The following CNTNAP2 variants were observed in gnomAD, a reference collection of about 807,000 sequenced individuals.
CNTNAP2 encodes contactin associated protein 2, also known as contactin-associated protein-like 2.
Under a neutral mutation model 155.2 loss-of-function variants are expected in CNTNAP2, and 98 were observed. The observed-to-expected ratio is 0.63, with a 90% CI of 0.54 to 0.75. CNTNAP2 has a LOEUF of 0.75. CNTNAP2 is among the 30% of genes least tolerant of loss of function. CNTNAP2 has a pLI of 0.00. For synonymous variants in CNTNAP2, 651 were observed against 631.2 expected (o/e 1.03, Z -0.47); for missense variants, 1,727 against 1,688.1 (o/e 1.02, Z -0.40).
chr7:148,361,747 T>C (rs555809064), intron 21 of CNTNAP2, among the ~76,000 whole-genome samples: 1 of 152,306 alleles, frequency 6.6e-6, no homozygotes, highest in Admixed American at 6.5e-5. Context: ...CAAGACTGGG[T>C]AATTTGTAAA....
At chr7:146,543,414 A>T in intron 1 of CNTNAP2, among the ~76,000 whole-genome samples, 1 of 151,640 alleles carries the variant, frequency 6.6e-6, no homozygotes, top group East Asian at 1.9e-4. Context: ...TCCCCTTTCC[A>T]TTCAGCCCCC....
chr7:148,045,341 G>T (rs530632257), intron 15 of CNTNAP2, among the ~76,000 whole-genome samples: 2 of 152,236 alleles, frequency 1.3e-5, no homozygotes, highest in African/African-American at 4.8e-5. Flanking sequence ...GGTGGGGGGC[G>T]TTACAGCAAC....
At chr7:147,010,569 C>G (rs969132226) in intron 3 of CNTNAP2, among the ~76,000 whole-genome samples, 1 of 151,958 alleles carries the variant, frequency 6.6e-6, no homozygotes. Flanking sequence ...TACCATTGGC[C>G]AAATCTGGAA....
At chr7:148,210,513 C>A (rs1365991598) in intron 18 of CNTNAP2, among the ~76,000 whole-genome samples, 2 of 152,224 alleles carry the variant, frequency 1.3e-5, no homozygotes, top group Non-Finnish European at 2.9e-5. Flanking sequence ...CCGGCTCCCA[C>A]ACAGTCAAGC....
chr7:148,190,156 G>C (rs1261034595), intron 18 of CNTNAP2: 1 of 152,248 alleles, frequency 6.6e-6, no homozygotes, highest in Non-Finnish European at 1.5e-5. Context: ...CTAGGTTATA[G>C]AGCCAAGGTG....
chr7:147,479,431 T>C (rs941984904), intron 10 of CNTNAP2, among the ~76,000 whole-genome samples: 1 of 152,252 alleles, frequency 6.6e-6, no homozygotes, highest in African/African-American at 2.4e-5. Flanking sequence ...GACTGACTGA[T>C]TTGAAAGAAC....
chr7:146,235,194 G>T (rs1268710206), intron 1 of CNTNAP2, among the ~76,000 whole-genome samples: 1 of 146,572 alleles, frequency 6.8e-6, no homozygotes, highest in Non-Finnish European at 1.5e-5. Context: ...GTAAAAATTA[G>T]ATAGTTTCAC....
At chr7:147,589,767 T>C (rs979419021) in intron 12 of CNTNAP2, among the ~76,000 whole-genome samples, 3 of 152,184 alleles carry the variant, frequency 2.0e-5, no homozygotes, top group Admixed American at 6.6e-5. Flanking sequence ...AAATGTCACC[T>C]ATTCCAAAGG....
chr7:147,818,072 C>T (rs1217749647), intron 13 of CNTNAP2, among the ~76,000 whole-genome samples: 2 of 151,574 alleles, frequency 1.3e-5, no homozygotes, highest in Non-Finnish European at 2.9e-5. Flanking sequence ...TTAAAAAAAT[C>T]AGTTATTCCC....
rs180707904 is a variant in CNTNAP2 at position 147,907,061 on chromosome 7, A to T, written c.2255+3340A>T. On this transcript the variant is annotated intron_variant, in intron 14 of 23. Coordinates refer to ENST00000361727, the MANE Select transcript of CNTNAP2 (RefSeq NM_014141.6). ...GAGCAAACTGAAAAGTATAATGAAT[A>T]TTTTTTTTTTTAAGAGACGGAGTCT... Among the ~76,000 whole-genome samples, 241 of 147,494 alleles carry T rather than the reference A, an allele frequency of 1.6e-3. 1 individual carries two copies. In the Middle Eastern group the frequency reaches 0.021, roughly 13 times the overall value.
intron 8 of CNTNAP2, among the ~76,000 whole-genome samples, chr7:147,193,391 T>TTCTATTTA (rs1802720300): frequency 6.6e-6 from 1 of 152,046 alleles, no homozygotes; most frequent in African/African-American, 2.4e-5. Flanking sequence ...ATTCTATTTA[T>TTCTATTTA]GTATTTTATT....
At chr7:148,065,859 C>T (rs144656505) in intron 15 of CNTNAP2, among the ~76,000 whole-genome samples, 76 of 151,984 alleles carry the variant, frequency 5.0e-4, no homozygotes, top group African/African-American at 1.4e-3. Context: ...TTTTTGTCAC[C>T]GTGTTATTGT....
chr7:147,120,781 C>G (rs562012040), intron 5 of CNTNAP2, among the ~76,000 whole-genome samples, 198 bp from the exon 6 acceptor site: 9 of 151,936 alleles, frequency 5.9e-5, no homozygotes, highest in South Asian at 2.1e-4. Flanking sequence ...ATCCCTCCCC[C>G]CTACCCCCAA....
At chr7:148,014,761 TAAAG>T (rs1802145754) in intron 15 of CNTNAP2, among the ~76,000 whole-genome samples, 1 of 152,076 alleles carries the variant, frequency 6.6e-6, no homozygotes, top group African/African-American at 2.4e-5. Context: ...CAATAATAAT[TAAAG>T]AAAGAAAAGC....
intron 2 of CNTNAP2, among the ~76,000 whole-genome samples, chr7:146,807,757 T>G (rs1043177278): frequency 6.6e-6 from 1 of 152,028 alleles, no homozygotes; most frequent in African/African-American, 2.4e-5. Context: ...TTCAGTCCTT[T>G]TTATCTGATT....
chr7:146,983,017 AAT>A (rs1798048496), intron 3 of CNTNAP2, among the ~76,000 whole-genome samples: 1 of 152,204 alleles, frequency 6.6e-6, no homozygotes. Context: ...GTTAAACCAC[AAT>A]ATTAAAGTAC....
intron 3 of CNTNAP2, among the ~76,000 whole-genome samples, chr7:146,967,013 G>T (rs540836719): frequency 6.6e-6 from 1 of 152,312 alleles, no homozygotes; most frequent in East Asian, 1.9e-4. Context: ...ACGGTGCACA[G>T]TAGTTGATGC....
At chr7:147,173,905 A>T (rs1802282782) in intron 8 of CNTNAP2, among the ~76,000 whole-genome samples, 1 of 152,152 alleles carries the variant, frequency 6.6e-6, no homozygotes, top group South Asian at 2.1e-4. Context: ...GTATACATGG[A>T]GAAAATTTGT....
intron 8 of CNTNAP2, among the ~76,000 whole-genome samples, chr7:147,205,927 G>T (rs1197514546): frequency 6.6e-6 from 1 of 152,036 alleles, no homozygotes; most frequent in Non-Finnish European, 1.5e-5. Flanking sequence ...AATAATAAAT[G>T]CTTGACATGA....
Sources: gnomAD v4.1 joint callset for allele counts (sites outside exome capture counted in the v4.1 genomes callset) on GRCh38, gnomAD v4.1.1 for gene constraint, MANE v1.5 for transcripts, NCBI Gene and HGNC (gene_info 2026-07-23, HGNC 2026-07-21) for gene names.